The following RBFOX1 variants were observed in gnomAD, a reference collection of about 807,000 sequenced individuals.
RBFOX1 encodes the protein RNA binding fox-1 homolog 1.
RBFOX1 carries 8 observed loss-of-function variants against 57.7 expected under a neutral mutation model. The observed-to-expected ratio is 0.14, with a 90% CI of 0.08 to 0.25. The LOEUF is 0.25. Ranked by LOEUF, RBFOX1 falls within the 10% of genes least tolerant of loss-of-function variation. The probability of loss-of-function intolerance (pLI) is 1.00; values close to 1 mark genes in which losing one functional copy is unlikely to be tolerated. For synonymous variants in RBFOX1, 326 were observed against 222.4 expected (o/e 1.47, Z -4.15); for missense variants, 611 against 548.5 (o/e 1.11, Z -1.14).
intron 3 of RBFOX1, among the ~76,000 whole-genome samples, chr16:6,860,652 C>T (rs530516861): frequency 6.6e-6 from 1 of 152,194 alleles, no homozygotes; most frequent in South Asian, 2.1e-4. Flanking sequence ...TAATTGTCCA[C>T]CAATAGGGAA....
intron 2 of RBFOX1, among the ~76,000 whole-genome samples, chr16:6,396,953 A>C (rs150632813): frequency 5.9e-5 from 9 of 152,326 alleles, no homozygotes; most frequent in African/African-American, 2.2e-4. Flanking sequence ...TAAACAGGAG[A>C]ATGGGGACAG....
At chr16:6,336,955 G>C (rs767739443) in intron 2 of RBFOX1, among the ~76,000 whole-genome samples, 1 of 152,086 alleles carries the variant, frequency 6.6e-6, no homozygotes, top group Admixed American at 6.6e-5. Flanking sequence ...ATCACTGTTC[G>C]AGTTTTTCTT....
intron 2 of RBFOX1, among the ~76,000 whole-genome samples, chr16:6,359,578 C>A (rs938916470): frequency 4.6e-5 from 7 of 152,132 alleles, no homozygotes; most frequent in Admixed American, 1.3e-4. Context: ...TATTGCTTTG[C>A]CACTGGTGTA....
chr16:6,884,280 C>T (rs1284582379), intron 3 of RBFOX1, among the ~76,000 whole-genome samples: 5 of 152,232 alleles, frequency 3.3e-5, no homozygotes, highest in South Asian at 4.2e-4. Context: ...TTTCCAAACT[C>T]TGGGTACTGT....
intron 4 of RBFOX1, among the ~76,000 whole-genome samples, chr16:5,979,678 A>C (rs753763876): frequency 1.3e-5 from 2 of 152,196 alleles, no homozygotes; most frequent in Non-Finnish European, 2.9e-5. Context: ...CCTGGTCAAC[A>C]TGGTGAAACC....
chr16:6,024,411 T>C (rs1425517377), intron 1 of RBFOX1, among the ~76,000 whole-genome samples: 1 of 152,148 alleles, frequency 6.6e-6, no homozygotes, highest in Admixed American at 6.5e-5. Context: ...AGAGGAGAGA[T>C]TTGACCTGAG....
intron 3 of RBFOX1, among the ~76,000 whole-genome samples, chr16:5,645,563 G>C (rs1409385615): frequency 6.6e-6 from 1 of 152,176 alleles, no homozygotes; most frequent in Non-Finnish European, 1.5e-5. Flanking sequence ...ATTGTTATAT[G>C]AATTTTGCTT....
chr16:7,185,128 G>T (rs901640922), intron 4 of RBFOX1, among the ~76,000 whole-genome samples: 4 of 152,294 alleles, frequency 2.6e-5, no homozygotes, highest in Non-Finnish European at 5.9e-5. Flanking sequence ...TATTATGGAA[G>T]AGCATATGGG....
chr16:7,466,905 T>G (rs1225542658), intron 4 of RBFOX1, among the ~76,000 whole-genome samples: 1 of 152,102 alleles, frequency 6.6e-6, no homozygotes, highest in Non-Finnish European at 1.5e-5. Flanking sequence ...TCTCTATGAA[T>G]TTGAGGATTT....
intron 3 of RBFOX1, among the ~76,000 whole-genome samples, chr16:7,001,631 A>G (rs1222154380): frequency 6.6e-6 from 1 of 151,654 alleles, no homozygotes; most frequent in African/African-American, 2.4e-5. Context: ...TAATTTTTGT[A>G]TTTTTAGTAG....
intron 11 of RBFOX1, among the ~76,000 whole-genome samples, chr16:7,633,308 T>A (rs538192375): frequency 2.0e-5 from 3 of 152,346 alleles, no homozygotes; most frequent in African/African-American, 7.2e-5. Context: ...CCTTTTTCTA[T>A]GTTTAAAGTA....
Position 6,924,194 on chromosome 16 carries a change from AGC to A in RBFOX1, c.-15-127862_-15-127861del, listed in dbSNP as rs1347801575. ...AAATAATAATAATAATAATAATAATAGCAATAATGCCACCTGAAACTGGGTAA... is the reference window on the plus strand; with the variant it reads ...AAATAATAATAATAATAATAATAATAAATAATGCCACCTGAAACTGGGTAA... On this transcript the variant is annotated intron_variant, in intron 3 of 15. Coordinates refer to ENST00000550418, the MANE Select transcript of RBFOX1 (RefSeq NM_018723.4). 6.4e-3 allele frequency among the ~76,000 whole-genome samples: 972 copies of A among 150,838 alleles called. 13 individuals carry two copies. Among genetic ancestry groups the A allele is most frequent in the African/African-American group, 0.023 (924 of 40,852 alleles).
At chr16:7,089,340 T>A (rs991429683) in intron 4 of RBFOX1, among the ~76,000 whole-genome samples, 1 of 152,220 alleles carries the variant, frequency 6.6e-6, no homozygotes, top group Non-Finnish European at 1.5e-5. Context: ...TCATAACATT[T>A]ATTTTTGACA....
intron 4 of RBFOX1, among the ~76,000 whole-genome samples, chr16:5,887,427 A>C (rs1341440934): frequency 1.3e-5 from 2 of 152,120 alleles, no homozygotes; most frequent in Non-Finnish European, 2.9e-5. Context: ...TGTGAGATGT[A>C]GTCTCACTCT....
At chr16:6,956,824 G>A (rs2081949172) in intron 3 of RBFOX1, among the ~76,000 whole-genome samples, 2 of 152,114 alleles carry the variant, frequency 1.3e-5, no homozygotes, top group Admixed American at 1.3e-4. Flanking sequence ...AGCTGGGGCT[G>A]GAGCTATCCA....
intron 3 of RBFOX1, among the ~76,000 whole-genome samples, chr16:6,843,457 G>C (rs1319058596): frequency 6.6e-6 from 1 of 152,146 alleles, no homozygotes; most frequent in African/African-American, 2.4e-5. Context: ...GGGAGGCTGA[G>C]GCGGGCAGAT....
intron 1 of RBFOX1, among the ~76,000 whole-genome samples, chr16:6,228,564 G>C (rs1425614357): frequency 6.6e-6 from 1 of 152,108 alleles, no homozygotes; most frequent in Non-Finnish European, 1.5e-5. Flanking sequence ...GCCAGACATA[G>C]AAAGACAAAT....
At chr16:7,416,086 C>T (rs1003876101) in intron 4 of RBFOX1, among the ~76,000 whole-genome samples, 1 of 152,094 alleles carries the variant, frequency 6.6e-6, no homozygotes, top group African/African-American at 2.4e-5. Context: ...TATTAAACCT[C>T]CAGCCCCCCA....
At chr16:7,700,228 G>C (rs952460921) in intron 14 of RBFOX1, among the ~76,000 whole-genome samples, 1 of 152,096 alleles carries the variant, frequency 6.6e-6, no homozygotes, top group East Asian at 1.9e-4. Flanking sequence ...ATAGACGAGA[G>C]GCAATAGCTG....
Sources: gnomAD v4.1 joint callset for allele counts (sites outside exome capture counted in the v4.1 genomes callset) on GRCh38, gnomAD v4.1.1 for gene constraint, MANE v1.5 for transcripts, NCBI Gene and HGNC (gene_info 2026-07-23, HGNC 2026-07-21) for gene names.